The following IGF2BP2 variants were observed in gnomAD, a reference collection of about 807,000 sequenced individuals.
IGF2BP2 encodes the protein insulin-like growth factor 2 mRNA-binding protein 2.
Under a neutral mutation model 75.8 loss-of-function variants are expected in IGF2BP2, and 17 were observed. That is an observed-to-expected ratio of 0.22 (90% CI 0.15 to 0.34). The LOEUF (loss-of-function observed/expected upper bound fraction) is 0.34, where lower values mean the gene tolerates loss of function less well. Among genes scored for constraint, IGF2BP2 ranks in the 10% least tolerant of loss-of-function variants. The pLI is 1.00. For synonymous variants in IGF2BP2, 288 were observed against 295.6 expected (o/e 0.97, Z 0.26); for missense variants, 516 against 772.4 (o/e 0.67, Z 3.93).
At chr3:185,795,142 C>T (rs1244727688) in intron 2 of IGF2BP2, among the ~76,000 whole-genome samples, 1 of 152,144 alleles carries the variant, frequency 6.6e-6, no homozygotes, top group African/African-American at 2.4e-5. Flanking sequence ...CGTGATCCAC[C>T]CACCTCGGCC....
At position 185,666,625 on chromosome 3, in the gene IGF2BP2, A is replaced by C. The variant is rs1717679517; in HGVS notation, c.1200+5916T>G. Among the ~76,000 whole-genome samples the C allele has an allele frequency of 2.0e-5, 3 of 151,988 alleles. No individual in the cohort carries two copies. In the South Asian group the frequency reaches 6.2e-4, roughly 31 times the overall value. ...GCCTGGGCGACAGAGCAAGACTCCA[A>C]CTCAATAAATAAATAAATAAATAAA... On this transcript the variant is annotated intron_variant, in intron 10 of 15. Coordinates refer to ENST00000382199, the MANE Select transcript of IGF2BP2 (RefSeq NM_006548.6).
intron 2 of IGF2BP2, among the ~76,000 whole-genome samples, chr3:185,727,351 C>T (rs1170888490): frequency 6.6e-6 from 1 of 152,122 alleles, no homozygotes; most frequent in African/African-American, 2.4e-5. Context: ...TGGGGAGGGG[C>T]CTCACAGAGC....
chr3:185,748,621 G>A (rs1157119604), intron 2 of IGF2BP2, among the ~76,000 whole-genome samples: 1 of 152,138 alleles, frequency 6.6e-6, no homozygotes, highest in South Asian at 2.1e-4. Flanking sequence ...TCTTGATTTA[G>A]AATATACCAA....
chr3:185,785,282 CAG>C, intron 2 of IGF2BP2, among the ~76,000 whole-genome samples: 1 of 140,726 alleles, frequency 7.1e-6, no homozygotes, highest in East Asian at 2.1e-4. Flanking sequence ...GCCTGGGCAA[CAG>C]AGTGAGACTC....
At position 185,645,680 on chromosome 3, in the gene IGF2BP2, T is replaced by C; in HGVS notation, c.1708-57A>G. ...ACAGGGGAAAAAAGGAACCCAGTTCTGAGGACAAACGGCAGGGGAGGCTCT... is the reference window on the plus strand; with the variant it reads ...ACAGGGGAAAAAAGGAACCCAGTTCCGAGGACAAACGGCAGGGGAGGCTCT... On this transcript the variant is annotated intron_variant, in intron 15 of 15. Transcript: ENST00000382199. The surrounding 1 kb of genome is among the most constrained non-coding windows in gnomAD (Gnocchi z 4.9). 1 of 1,372,880 alleles carries C rather than the reference T, an allele frequency of 7.3e-7. No individual in the cohort carries two copies. The highest frequency in any genetic ancestry group is 1.8e-4 in the Middle Eastern group (1 of 5,564). 85.0% of individuals were successfully genotyped at this position (1,372,880 alleles called of 1,614,324 possible).
rs772405392 is a variant in IGF2BP2 at position 185,696,601 on chromosome 3, T to C, written c.340+11A>G. The C allele has an allele frequency of 6.8e-6, 11 of 1,612,670 alleles. No homozygotes were observed. Among genetic ancestry groups the C allele is most frequent in the Non-Finnish European group, 8.5e-6 (10 of 1,178,992 alleles). On this transcript the variant is annotated intron_variant, in intron 4 of 15. Coordinates refer to ENST00000382199, the MANE Select transcript of IGF2BP2 (RefSeq NM_006548.6). The stretch of plus-strand genomic sequence containing the variant: ...TCTCTCCAAAACCCAAAAGGCTTCC[T>C]CACTTATTACCTTGTTCCACATTCT...
rs532438401 is a variant in IGF2BP2, at chr3:185,789,126, G to A, written c.239+34027C>T. Among the ~76,000 whole-genome samples the A allele has an allele frequency of 7.9e-5, 12 of 152,236 alleles. No homozygotes were observed. In the East Asian group the frequency reaches 9.6e-4, roughly 12 times the overall value. ...TCCCGCCTCAGCCTCTTGAGTAGCC[G>A]GGATTACAGGCACCAGCATCAACAA... On this transcript the variant is annotated intron_variant, in intron 2 of 15. Transcript: ENST00000382199.
chr3:185,785,665 A>T (rs754464977), intron 2 of IGF2BP2, among the ~76,000 whole-genome samples: 25 of 152,242 alleles, frequency 1.6e-4, no homozygotes, highest in Non-Finnish European at 3.1e-4. Flanking sequence ...AAAATAAAAA[A>T]AATAATAATA....
At chr3:185,702,857 G>C (rs926506027) in intron 2 of IGF2BP2, among the ~76,000 whole-genome samples, 5 of 152,326 alleles carry the variant, frequency 3.3e-5, no homozygotes, top group Non-Finnish European at 7.4e-5. Flanking sequence ...GAAGTAAAAA[G>C]AGCAGCAGGA....
intron 2 of IGF2BP2, among the ~76,000 whole-genome samples, chr3:185,810,643 G>A (rs1258057575): frequency 2.6e-5 from 4 of 151,916 alleles, no homozygotes; most frequent in Non-Finnish European, 4.4e-5. Context: ...GCGTGGTGGC[G>A]GACACCTGTA....
chr3:185,728,285 C>T lies in IGF2BP2; in HGVS notation c.240-29938G>A, dbSNP rs531961385. ...CCTTCCCCTTGCTCCCTTCATCAGG[C>T]GCTCTCCGCTCCTCCAGCCCATCAG... On this transcript the variant is annotated intron_variant, in intron 2 of 15. Coordinates refer to ENST00000382199, the MANE Select transcript of IGF2BP2 (RefSeq NM_006548.6). The T allele has an allele frequency of 7.2e-5, 11 of 152,654 alleles. 1 individual carries two copies. The highest frequency in any genetic ancestry group is 1.0e-4 in the Non-Finnish European group (7 of 68,196). 9.5% of individuals were successfully genotyped at this position (152,654 alleles called of 1,614,324 possible). A position where few individuals can be genotyped will look rare whatever the true frequency, so the allele number is the denominator to read the frequency against.
At chr3:185,798,543 T>C (rs1443809933) in intron 2 of IGF2BP2, among the ~76,000 whole-genome samples, 1 of 152,190 alleles carries the variant, frequency 6.6e-6, no homozygotes, top group Non-Finnish European at 1.5e-5. Context: ...TATGGAGGTT[T>C]GTAATTATTG....
chr3:185,769,476 C>T (rs1733570598), intron 2 of IGF2BP2, among the ~76,000 whole-genome samples: 1 of 152,096 alleles, frequency 6.6e-6, no homozygotes, highest in African/African-American at 2.4e-5. Context: ...TAAAGGTATT[C>T]AGCTCAAAGG....
Position 185,715,779 on chromosome 3 carries a change from G to C in IGF2BP2, c.240-17432C>G, listed in dbSNP as rs553999262. Among the ~76,000 whole-genome samples the C allele has an allele frequency of 1.5e-4, 23 of 152,150 alleles. No homozygotes were observed. In the South Asian group the frequency reaches 4.8e-3, roughly 32 times the overall value. ...CTGCCTTAACCTCCCAAGTAGCTGG[G>C]ATTACCAGCACCCGTCACCACACCC... On this transcript the variant is annotated intron_variant, in intron 2 of 15. Coordinates refer to ENST00000382199, the MANE Select transcript of IGF2BP2 (RefSeq NM_006548.6).
chr3:185,679,754 T>C (rs148541613), intron 7 of IGF2BP2, among the ~76,000 whole-genome samples: 1 of 152,104 alleles, frequency 6.6e-6, no homozygotes, highest in Non-Finnish European at 1.5e-5. Context: ...GTAGCTGGGA[T>C]TACAGGTGTG....
intron 13 of IGF2BP2, among the ~76,000 whole-genome samples, 168 bp downstream of exon 13, chr3:185,651,926 C>A (rs539871056): frequency 7.9e-5 from 12 of 152,056 alleles, no homozygotes; most frequent in African/African-American, 2.7e-4. Context: ...CAGCAGAGGG[C>A]AAACATGCAG....
rs201028543 is a variant in IGF2BP2, at chr3:185,689,459, C to T, written c.573G>A (p.Gln191=). The change falls in exon 6 of 16, where the codon CAG becomes CAA. Residue 191 remains glutamine (Q), a synonymous_variant. Coordinates refer to ENST00000382199, the MANE Select transcript of IGF2BP2 (RefSeq NM_006548.6). The stretch of plus-strand genomic sequence containing the variant: ...CCAGGATCCGCAGCGGGAAATCAAT[C>T]TGTCTGGCCTGAGAAGTGCCCCCAG... ...HAPGGTSQAR[Q]IDFPLRILVP... is the part of the protein sequence containing the mutation. 8 of 1,613,570 alleles carry T rather than the reference C, an allele frequency of 5.0e-6. No individual in the cohort carries two copies. Among genetic ancestry groups the T allele is most frequent in the Non-Finnish European group, 6.8e-6 (8 of 1,179,800 alleles).
Position 185,675,277 on chromosome 3 carries a change from G to A in IGF2BP2, c.1071+19C>T. 1 of 1,592,940 alleles carries A rather than the reference G, an allele frequency of 6.3e-7. No individual in the cohort carries two copies. ...TAGCCTAGTGAAAACCAGCGGAGAA[G>A]AAAGCATTAGGGACTTACGTTAACA... On this transcript the variant is annotated intron_variant, in intron 9 of 15. Transcript: ENST00000382199.
chr3:185,675,414 A>G lies in IGF2BP2; in HGVS notation c.953T>C (p.Ile318Thr), dbSNP rs1234224984. ...ITISSLQDLSIYNPERTITVK... is the reference protein window; with the variant it reads ...ITISSLQDLSTYNPERTITVK... The stretch of plus-strand genomic sequence containing the variant: ...AGTGATGGTTCTTTCCGGGTTGTAT[A>G]TGCTCAAATCCTGCAAACTGACCCA... The change falls in exon 9 of 16, where the codon ATA (isoleucine) becomes ACA (threonine). Residue 318 changes from isoleucine to threonine, a missense_variant. By Grantham distance (89) the Ile-to-Thr change is moderately conservative (BLOSUM62 -1). This residue lies in a region of IGF2BP2 where 312 missense variants were observed against 474.5 expected (regional missense o/e 0.66). Transcript: ENST00000382199. The G allele has an allele frequency of 6.2e-7, 1 of 1,611,770 alleles. No individual in the cohort carries two copies. Among genetic ancestry groups the G allele is most frequent in the South Asian group, 1.1e-5 (1 of 90,292 alleles).
Sources: allele counts gnomAD v4.1 joint callset (sites outside exome capture counted in the v4.1 genomes callset), GRCh38; gene constraint gnomAD v4.1.1; regional missense constraint gnomAD v4.1.1; non-coding constraint Gnocchi (gnomAD v3.1); transcripts MANE v1.5; gene names NCBI Gene and HGNC (gene_info 2026-07-23, HGNC 2026-07-21).